NCOA2: variants seen among roughly 807,000 people sequenced by gnomAD.
The protein encoded by NCOA2 is nuclear receptor coactivator 2.
Under a neutral mutation model 145.1 loss-of-function variants are expected in NCOA2, and 21 were observed. That is an observed-to-expected ratio of 0.14 (90% confidence interval 0.10 to 0.21). The LOEUF (loss-of-function observed/expected upper bound fraction) is 0.21. Ranked by LOEUF, NCOA2 falls within the 10% of genes least tolerant of loss-of-function variation. The pLI is 1.00. For missense variants in NCOA2, 1,472 were observed against 1,837.6 expected, an observed-to-expected ratio of 0.80 and a Z score of 3.64; for synonymous variants, 619 against 637.5, an observed-to-expected ratio of 0.97 and a Z score of 0.44.
the NCOA2 span, among the ~76,000 whole-genome samples, chr8:70,425,978 A>G: frequency 6.6e-6 from 1 of 152,186 alleles, no homozygotes; most frequent in African/African-American, 2.4e-5. Flanking sequence ...GGATTTTCCA[A>G]AATTATCTGG....
In NCOA2 at chr8:70,247,799, A is replaced by T. The variant is rs544269486; in HGVS notation, c.-19-31035T>A. Among the ~76,000 whole-genome samples, 16 of 152,354 alleles carry T rather than the reference A, an allele frequency of 1.1e-4. No homozygotes were observed. The South Asian group carries it at 3.1e-3, about 30-fold the overall frequency. On this transcript the variant is annotated intron_variant, in intron 2 of 22. Transcript: ENST00000452400. ...CAGCCAGATCATGGGCAGCAGCAAA[A>T]TGCTGTGCATTCCCTGACCAGATCA...
At chr8:70,341,814 A>G (rs1808167935) in intron 1 of NCOA2, among the ~76,000 whole-genome samples, 1 of 152,232 alleles carries the variant, frequency 6.6e-6, no homozygotes, top group Non-Finnish European at 1.5e-5. Flanking sequence ...GAAAGACCTT[A>G]GGATGAATTT....
intron 13 of NCOA2, among the ~76,000 whole-genome samples, chr8:70,142,290 T>A (rs1046418785): frequency 1.3e-5 from 2 of 152,220 alleles, no homozygotes; most frequent in Non-Finnish European, 2.9e-5. Flanking sequence ...TTAATTACGA[T>A]AAACAACTAA....
chr8:70,132,762 C>T (rs1438718113), intron 15 of NCOA2, among the ~76,000 whole-genome samples: 1 of 152,150 alleles, frequency 6.6e-6, no homozygotes, highest in African/African-American at 2.4e-5. Flanking sequence ...GATGGCGTTT[C>T]GCCATGTTAC....
chr8:70,184,003 G>T (rs544838377), intron 4 of NCOA2, among the ~76,000 whole-genome samples: 2 of 152,290 alleles, frequency 1.3e-5, no homozygotes, highest in East Asian at 3.9e-4. Flanking sequence ...CTCTTCAGAG[G>T]TATCTGTTTG....
At chr8:70,346,302 T>C (rs190752426) in intron 1 of NCOA2, among the ~76,000 whole-genome samples, 4 of 152,376 alleles carry the variant, frequency 2.6e-5, no homozygotes, top group African/African-American at 9.6e-5. Context: ...TGGCTTTTAA[T>C]AACTGTTTGC....
intron 12 of NCOA2, among the ~76,000 whole-genome samples, chr8:70,145,952 A>G (rs1811021516): frequency 6.6e-6 from 1 of 152,234 alleles, no homozygotes; most frequent in Non-Finnish European, 1.5e-5. Flanking sequence ...TTTCAAATAT[A>G]TAACTGTATT....
rs547775179 is a variant in NCOA2 at position 70,154,349 on chromosome 8, T to C, written c.2394+1622A>G. Among the ~76,000 whole-genome samples, 25 of 152,344 alleles carry C rather than the reference T, an allele frequency of 1.6e-4. No homozygotes were observed. The South Asian group carries it at 4.1e-3, about 25-fold the overall frequency. On this transcript the variant is annotated intron_variant, in intron 11 of 22. Coordinates refer to ENST00000452400, the MANE Select transcript of NCOA2 (RefSeq NM_006540.4). ...ATGGCTAGGGTAAAGTCTTTGATCATTGATTCCCTAGGAAACGTCTCATGC... is the reference window on the plus strand; with the variant it reads ...ATGGCTAGGGTAAAGTCTTTGATCACTGATTCCCTAGGAAACGTCTCATGC...
chr8:70,171,138 AG>A (rs1814206585), intron 5 of NCOA2, among the ~76,000 whole-genome samples: 2 of 152,224 alleles, frequency 1.3e-5, no homozygotes, highest in Non-Finnish European at 2.9e-5. Context: ...ATGAGTTCAC[AG>A]CCTCACTTTT....
intron 1 of NCOA2, among the ~76,000 whole-genome samples, chr8:70,367,349 T>C (rs1042397096): frequency 7.9e-5 from 12 of 152,228 alleles, no homozygotes; most frequent in African/African-American, 2.4e-4. Flanking sequence ...ATGAAAACTT[T>C]TGTGCCAATT....
In NCOA2 at chr8:70,162,795, C is replaced by T; in HGVS notation, c.892G>A (p.Asp298Asn). ...TTCTGAATACACCTTCTTACCAGGT[C>T]CTCCCAGCCTGGTTTCATGGCTGCT... ...MRAAMKPGWEDLVRRCIQKFH... is the reference protein window; with the variant it reads ...MRAAMKPGWENLVRRCIQKFH... Residue 298 changes from aspartate (D) to asparagine (N), a missense_variant, in exon 9 of 23, where the codon GAC becomes AAC. This residue lies in a region of NCOA2 where 284 missense variants were observed against 467.8 expected (regional missense o/e 0.61). Coordinates refer to ENST00000452400, the MANE Select transcript of NCOA2 (RefSeq NM_006540.4). 6.2e-7 allele frequency: 1 copy of T among 1,613,908 alleles called. No individual in the cohort carries two copies. The highest frequency in any genetic ancestry group is 8.5e-7 in the Non-Finnish European group (1 of 1,179,802).
At chr8:70,352,044 G>C (rs1032286586) in intron 1 of NCOA2, among the ~76,000 whole-genome samples, 2 of 151,582 alleles carry the variant, frequency 1.3e-5, no homozygotes, top group African/African-American at 2.4e-5. Context: ...AGGTCACAAG[G>C]AATTTCTACC....
chr8:70,321,371 G>A (rs943588153), intron 1 of NCOA2, among the ~76,000 whole-genome samples: 13 of 151,358 alleles, frequency 8.6e-5, no homozygotes, highest in Non-Finnish European at 1.5e-4. Flanking sequence ...TGTTGCCCAG[G>A]CTAATCTTGA....
At chr8:70,303,532 G>C (rs1393155561) in intron 1 of NCOA2, among the ~76,000 whole-genome samples, 1 of 152,156 alleles carries the variant, frequency 6.6e-6, no homozygotes, top group Non-Finnish European at 1.5e-5. Flanking sequence ...GCTAGAGAAG[G>C]TTGAAGTGTT....
intron 2 of NCOA2, among the ~76,000 whole-genome samples, chr8:70,261,777 T>C (rs540580496): frequency 6.6e-6 from 1 of 152,150 alleles, no homozygotes; most frequent in East Asian, 1.9e-4. Flanking sequence ...GCCCCTATTA[T>C]AGGTGATAGT....
intron 1 of NCOA2, among the ~76,000 whole-genome samples, chr8:70,346,901 A>G (rs977450428): frequency 5.9e-5 from 9 of 152,234 alleles, no homozygotes; most frequent in Non-Finnish European, 1.0e-4. Context: ...CTGACAGGCT[A>G]ATGGACAGGT....
chr8:70,182,151 A>G (rs888290937), intron 4 of NCOA2, among the ~76,000 whole-genome samples: 15 of 152,224 alleles, frequency 9.9e-5, no homozygotes, highest in Admixed American at 3.3e-4. Flanking sequence ...AATGCACTAT[A>G]TATCATCAAG....
intron 1 of NCOA2, among the ~76,000 whole-genome samples, chr8:70,319,583 C>T (rs1378956305): frequency 7.0e-6 from 1 of 142,608 alleles, no homozygotes; most frequent in Admixed American, 6.8e-5. Flanking sequence ...CTCTATTTAG[C>T]TGGCTTTTAA....
chr8:70,155,030 C>T (rs1460197080), intron 11 of NCOA2, among the ~76,000 whole-genome samples: 4 of 152,196 alleles, frequency 2.6e-5, no homozygotes, highest in South Asian at 4.1e-4. Context: ...TGTTGTATAC[C>T]ATAAATATAT....
Sources: gnomAD v4.1 joint callset for allele counts (sites outside exome capture counted in the v4.1 genomes callset) on GRCh38, gnomAD v4.1.1 for gene constraint, gnomAD v4.1.1 regional missense constraint, MANE v1.5 for transcripts, NCBI Gene and HGNC (gene_info 2026-07-23, HGNC 2026-07-21) for gene names.